The following CLRN1 variants were observed in gnomAD, a reference collection of about 807,000 sequenced individuals.
The protein encoded by CLRN1 is clarin 1.
Under a neutral mutation model 18.7 loss-of-function variants are expected in CLRN1, and 15 were observed. That is an observed-to-expected ratio of 0.80 (90% CI 0.54 to 1.23). The LOEUF (loss-of-function observed/expected upper bound fraction) is 1.23. Among genes scored for constraint, CLRN1 ranks in the 50% most tolerant of loss-of-function variants. The pLI, the probability that CLRN1 is intolerant of heterozygous loss-of-function variation, is 0.00. For missense variants in CLRN1, 311 were observed against 277.5 expected (o/e 1.12, Z -0.86); for synonymous variants, 104 against 102.9 (o/e 1.01, Z -0.07).
At chr3:150,945,688 A>T (rs142343192) in intron 1 of CLRN1, 1 of 1,249,100 alleles carries the variant, frequency 8.0e-7, no homozygotes, top group Non-Finnish European at 1.0e-6. Context: ...ATCTTCTCAC[A>T]ATCAGAAAAA....
chr3:150,964,078 T>TA (rs1219019481), intron 1 of CLRN1, among the ~76,000 whole-genome samples: 4 of 152,120 alleles, frequency 2.6e-5, no homozygotes, highest in Non-Finnish European at 5.9e-5. Context: ...CTAATTAAAC[T>TA]AAAAAAACTT....
intron 2 of CLRN1, among the ~76,000 whole-genome samples, chr3:150,941,101 C>T (rs924449857): frequency 2.6e-5 from 4 of 151,324 alleles, no homozygotes; most frequent in Admixed American, 6.6e-5. Context: ...GAGACAACCA[C>T]GACCAACAGA....
chr3:150,971,164 A>G (rs1576650431), intron 1 of CLRN1, among the ~76,000 whole-genome samples: 1 of 151,850 alleles, frequency 6.6e-6, no homozygotes, highest in Admixed American at 6.6e-5. Flanking sequence ...TTTTTAATAC[A>G]GTTGCATATC....
intron 1 of CLRN1, among the ~76,000 whole-genome samples, chr3:150,954,157 A>G (rs561006292): frequency 6.6e-6 from 1 of 152,216 alleles, no homozygotes; most frequent in South Asian, 2.1e-4. Flanking sequence ...TTGCCCCTTT[A>G]CAGTCAATCC....
chr3:150,963,774 A>G (rs972857096), intron 1 of CLRN1, among the ~76,000 whole-genome samples: 51 of 152,338 alleles, frequency 3.3e-4, no homozygotes, highest in African/African-American at 1.2e-3. Context: ...ATCTACAACC[A>G]TCTGCTCTTT....
chr3:150,933,124 A>G (rs893003323), intron 2 of CLRN1, among the ~76,000 whole-genome samples: 2 of 152,236 alleles, frequency 1.3e-5, no homozygotes, highest in African/African-American at 4.8e-5. Flanking sequence ...ATCATTTGTT[A>G]CCAGAAAATA....
intron 2 of CLRN1, 65 bp downstream of exon 2, chr3:150,941,517 G>A (rs1713838390): frequency 1.4e-6 from 2 of 1,474,082 alleles, no homozygotes; most frequent in Non-Finnish European, 9.4e-7. Context: ...TTTATATTTA[G>A]GTAGACGGTC....
chr3:150,927,589 T>C lies in CLRN1; in HGVS notation c.*347A>G, dbSNP rs1373285003. The C allele has an allele frequency of 1.9e-5, 9 of 473,504 alleles. No individual in the cohort carries two copies. The highest frequency in any genetic ancestry group is 3.3e-5 in the Non-Finnish European group (8 of 241,032). 29.3% of individuals were successfully genotyped at this position (473,504 alleles called of 1,614,324 possible). The stretch of plus-strand genomic sequence containing the variant: ...GATATTATTTGTTTTTATTAAAATA[T>C]ATTCCATGTGCCTTTGATATCTTTT... On this transcript the variant is annotated 3_prime_UTR_variant, in exon 3 of 3. Transcript: ENST00000327047.
At chr3:150,968,823 G>A (rs1012440235) in intron 1 of CLRN1, among the ~76,000 whole-genome samples, 1 of 152,062 alleles carries the variant, frequency 6.6e-6, no homozygotes, top group African/African-American at 2.4e-5. Flanking sequence ...CCATAAAAAT[G>A]AGCATGTGAC....
chr3:150,964,838 G>A (rs901980725), intron 1 of CLRN1, among the ~76,000 whole-genome samples: 8 of 152,060 alleles, frequency 5.3e-5, no homozygotes, highest in Non-Finnish European at 1.0e-4. Context: ...CTCATAAGTG[G>A]GAGTTGAACA....
chr3:150,928,302 C>T (rs1712944574), intron 2 of CLRN1, 101 bp from the exon 3 acceptor site: 1 of 1,396,894 alleles, frequency 7.2e-7, no homozygotes, highest in Admixed American at 2.0e-5. Context: ...TACCATCATC[C>T]CCATTGACAT....
chr3:150,963,966 A>G (rs1176550547), intron 1 of CLRN1, among the ~76,000 whole-genome samples: 2 of 152,232 alleles, frequency 1.3e-5, no homozygotes, highest in Non-Finnish European at 2.9e-5. Flanking sequence ...AAATCCTAGA[A>G]GAAAACCTAG....
chr3:150,941,525 G>A, intron 2 of CLRN1, 57 bp downstream of exon 2: 2 of 1,524,720 alleles, frequency 1.3e-6, no homozygotes, highest in Non-Finnish European at 1.8e-6. Context: ...TAGGTAGACG[G>A]TCTTTTTGAC....
At chr3:150,965,461 G>A (rs1043218241) in intron 1 of CLRN1, among the ~76,000 whole-genome samples, 2 of 152,066 alleles carry the variant, frequency 1.3e-5, no homozygotes, top group Admixed American at 1.3e-4. Context: ...ATATTAATGA[G>A]TATATACTGA....
At chr3:150,928,788 A>G (rs915703129) in intron 2 of CLRN1, among the ~76,000 whole-genome samples, 8 of 152,222 alleles carry the variant, frequency 5.3e-5, no homozygotes, top group Admixed American at 2.0e-4. Context: ...CCTTGTTTGT[A>G]ACAGAATTCA....
At chr3:150,932,118 T>C (rs1713187642) in intron 2 of CLRN1, among the ~76,000 whole-genome samples, 1 of 152,182 alleles carries the variant, frequency 6.6e-6, no homozygotes, top group African/African-American at 2.4e-5. Flanking sequence ...AGCTGAGTTA[T>C]AGGGCTGTCA....
intron 1 of CLRN1, among the ~76,000 whole-genome samples, chr3:150,959,512 C>T (rs934043295): frequency 6.6e-6 from 1 of 151,716 alleles, no homozygotes; most frequent in African/African-American, 2.4e-5. Context: ...CCCTATAGTC[C>T]CAGCTACTCA....
chr3:150,954,854 G>A (rs966913083), intron 1 of CLRN1, among the ~76,000 whole-genome samples: 1 of 152,170 alleles, frequency 6.6e-6, no homozygotes, highest in African/African-American at 2.4e-5. Context: ...TCAGAACTTA[G>A]AAAACTGAAC....
intron 1 of CLRN1, among the ~76,000 whole-genome samples, chr3:150,951,330 G>A (rs1413384555): frequency 7.5e-6 from 1 of 133,084 alleles, no homozygotes; most frequent in Non-Finnish European, 1.8e-5. Context: ...AAATACCTGA[G>A]TCTGGGTAAT....
Sources: gnomAD v4.1 joint callset for allele counts (sites outside exome capture counted in the v4.1 genomes callset) on GRCh38, gnomAD v4.1.1 for gene constraint, MANE v1.5 for transcripts, NCBI Gene and HGNC (gene_info 2026-07-23, HGNC 2026-07-21) for gene names.